Variants in SCLT1 observed in about 807,000 individuals in gnomAD.
The protein encoded by SCLT1 is sodium channel and clathrin linker 1, also known as sodium channel-associated protein 1.
Under a neutral mutation model 112.8 loss-of-function variants are expected in SCLT1, and 78 were observed. That is an observed-to-expected ratio of 0.69 (90% CI 0.58 to 0.83). The LOEUF (loss-of-function observed/expected upper bound fraction) is 0.83, where lower values mean the gene tolerates loss of function less well. Among genes scored for constraint, SCLT1 ranks in the 40% least tolerant of loss-of-function variants. The pLI is 0.00. For synonymous variants in SCLT1, 257 were observed against 254.7 expected (o/e 1.01, Z -0.09); for missense variants, 747 against 770.4 (o/e 0.97, Z 0.36).
intron 14 of SCLT1, among the ~76,000 whole-genome samples, chr4:128,951,693 T>C (rs1464174418): frequency 6.6e-6 from 1 of 151,928 alleles, no homozygotes; most frequent in Non-Finnish European, 1.5e-5. Flanking sequence ...ACAAGCAAAA[T>C]AACTGGGTGA....
intron 2 of SCLT1, among the ~76,000 whole-genome samples, chr4:129,065,427 A>C (rs908623098): frequency 2.0e-5 from 3 of 152,050 alleles, no homozygotes; most frequent in Admixed American, 6.6e-5. Flanking sequence ...TTCATAATAA[A>C]ACAGAGAACA....
chr4:128,901,818 C>T (rs552571837), intron 18 of SCLT1, among the ~76,000 whole-genome samples: 2 of 152,154 alleles, frequency 1.3e-5, no homozygotes, highest in South Asian at 4.2e-4. Flanking sequence ...ATTTATCAAT[C>T]CTGTATTATA....
In SCLT1 at chr4:129,062,102, A is replaced by C. The variant is rs186948982; in HGVS notation, c.103-18051T>G. On this transcript the variant is annotated intron_variant, in intron 2 of 20. Transcript: ENST00000281142. ...GTGGCAAGGTCCAAGGAGTTAATGCAGGCTGCTGAGATCCTCCTGCTTACC... is the reference window on the plus strand; with the variant it reads ...GTGGCAAGGTCCAAGGAGTTAATGCCGGCTGCTGAGATCCTCCTGCTTACC... Among the ~76,000 whole-genome samples, 118 of 152,270 alleles carry C rather than the reference A, an allele frequency of 7.7e-4. 2 individuals carry two copies. The East Asian group carries it at 0.022, about 28-fold the overall frequency.
intron 11 of SCLT1, among the ~76,000 whole-genome samples, chr4:128,964,752 T>C (rs1021960263): frequency 6.6e-6 from 1 of 152,228 alleles, no homozygotes. Flanking sequence ...CTCTTAACTA[T>C]GATTTTAAAA....
At chr4:128,984,477 G>C (rs1377502373) in intron 9 of SCLT1, among the ~76,000 whole-genome samples, 3 of 152,130 alleles carry the variant, frequency 2.0e-5, no homozygotes. Flanking sequence ...CAAACTAGAT[G>C]AACATTAAGA....
At chr4:129,026,740 CA>C (rs1173753220) in intron 5 of SCLT1, among the ~76,000 whole-genome samples, 2 of 151,996 alleles carry the variant, frequency 1.3e-5, no homozygotes, top group African/African-American at 2.4e-5. Context: ...AAAAACCCTT[CA>C]AAAAATTAAT....
chr4:128,950,054 A>C (rs1361116790), intron 14 of SCLT1, among the ~76,000 whole-genome samples: 1 of 152,148 alleles, frequency 6.6e-6, no homozygotes. Context: ...ATCAGTTGAC[A>C]AATTTAAATT....
At chr4:129,088,254 A>G (rs1209198346) in intron 1 of SCLT1, among the ~76,000 whole-genome samples, 1 of 152,250 alleles carries the variant, frequency 6.6e-6, no homozygotes, top group Non-Finnish European at 1.5e-5. Flanking sequence ...TACTCTATTA[A>G]CAAACAAAAA....
chr4:128,948,397 A>G, intron 15 of SCLT1, 99 bp downstream of exon 15: 1 of 1,462,710 alleles, frequency 6.8e-7, no homozygotes, highest in Non-Finnish European at 9.0e-7. Flanking sequence ...AATACTAACA[A>G]ATAAAGGAAT....
chr4:128,883,940 G>GT (rs1340199424), downstream of SCLT1: 1 of 151,916 alleles, frequency 6.6e-6, no homozygotes, highest in South Asian at 2.1e-4. Context: ...ACTGAAAACC[G>GT]TAAGTTAAAA....
intron 9 of SCLT1, among the ~76,000 whole-genome samples, chr4:128,978,446 A>G (rs1409649605): frequency 1.3e-5 from 2 of 151,960 alleles, no homozygotes; most frequent in South Asian, 4.2e-4. Context: ...ACAAAACAAA[A>G]CAAAACAAAA....
intron 16 of SCLT1, 131 bp from the exon 17 acceptor site, chr4:128,943,319 G>A: frequency 1.7e-6 from 1 of 597,884 alleles, no homozygotes; most frequent in East Asian, 2.9e-5. Context: ...ACTTTAGACT[G>A]AAACTATGTG....
At chr4:129,039,169 T>G (rs1452349933) in intron 4 of SCLT1, 73 bp from the exon 5 acceptor site, 2 of 886,720 alleles carry the variant, frequency 2.3e-6, no homozygotes, top group Non-Finnish European at 3.7e-6. Flanking sequence ...ACCACTCACG[T>G]AAGCAATCAG....
chr4:128,959,358 A>C (rs1341375023), intron 12 of SCLT1, among the ~76,000 whole-genome samples: 1 of 152,116 alleles, frequency 6.6e-6, no homozygotes, highest in African/African-American at 2.4e-5. Context: ...AAGATTAGTT[A>C]CGCAGCATCT....
chr4:128,990,546 C>T (rs908574089), intron 9 of SCLT1, among the ~76,000 whole-genome samples: 5 of 151,714 alleles, frequency 3.3e-5, no homozygotes, highest in African/African-American at 1.2e-4. Context: ...ACAAGGATAC[C>T]TACTTTCACC....
intron 18 of SCLT1, among the ~76,000 whole-genome samples, chr4:128,926,159 G>T (rs138746364): frequency 4.6e-5 from 7 of 151,946 alleles, no homozygotes; most frequent in Non-Finnish European, 1.0e-4. Context: ...ATTTGTTCTG[G>T]CAGGTAATTA....
intron 5 of SCLT1, chr4:129,036,678 G>C (rs1437037301): frequency 1.3e-5 from 2 of 151,570 alleles, no homozygotes; most frequent in Non-Finnish European, 2.9e-5. Flanking sequence ...TAGAAGGAAA[G>C]AAAACTAATG....
intron 3 of SCLT1, among the ~76,000 whole-genome samples, chr4:128,878,679 A>C (rs191046536): frequency 5.7e-4 from 87 of 152,256 alleles, no homozygotes; most frequent in African/African-American, 2.0e-3. Flanking sequence ...ACAATTTAAC[A>C]TTTTTTTGGT....
At chr4:128,885,302 A>G (rs940923997) in intron 20 of SCLT1, among the ~76,000 whole-genome samples, 1 of 152,184 alleles carries the variant, frequency 6.6e-6, no homozygotes, top group East Asian at 1.9e-4. Context: ...TCTCGTTCCC[A>G]TTGCTGTCTT....
Sources: allele counts gnomAD v4.1 joint callset (sites outside exome capture counted in the v4.1 genomes callset), GRCh38; gene constraint gnomAD v4.1.1; transcripts MANE v1.5; gene names NCBI Gene and HGNC (gene_info 2026-07-23, HGNC 2026-07-21).